Variants in DSCAM observed in about 807,000 individuals in gnomAD.
DSCAM encodes cell adhesion molecule DSCAM.
DSCAM carries 47 observed loss-of-function variants against 217.7 expected under a neutral mutation model. That is an observed-to-expected ratio of 0.22 (90% CI 0.17 to 0.28). The LOEUF (loss-of-function observed/expected upper bound fraction) is 0.28. Ranked by LOEUF, DSCAM falls within the 10% of genes least tolerant of loss-of-function variation. DSCAM has a pLI of 1.00. For synonymous variants in DSCAM, 1,056 were observed against 1,015.3 expected, an observed-to-expected ratio of 1.04 and a Z score of -0.76; for missense variants, 2,080 against 2,618.3, an observed-to-expected ratio of 0.79 and a Z score of 4.49.
chr21:40,745,091 T>C (rs997429683), intron 1 of DSCAM, among the ~76,000 whole-genome samples: 4 of 151,884 alleles, frequency 2.6e-5, no homozygotes, highest in Admixed American at 6.6e-5. Context: ...AGACAGAACA[T>C]ATAAAATTAC....
intron 3 of DSCAM, among the ~76,000 whole-genome samples, chr21:40,486,237 ACCCGGCATGGTTT>A (rs2076027197): frequency 6.6e-6 from 1 of 152,128 alleles, no homozygotes; most frequent in Non-Finnish European, 1.5e-5. Context: ...TGGGATAATC[ACCCGGCATGGTTT>A]ATCCTGGGCC....
At chr21:40,535,639 T>C (rs1047676853) in intron 3 of DSCAM, among the ~76,000 whole-genome samples, 2 of 152,222 alleles carry the variant, frequency 1.3e-5, no homozygotes, top group African/African-American at 4.8e-5. Context: ...GCAAGCACTG[T>C]GCTACGTGCA....
At chr21:40,512,227 T>G (rs1465523508) in intron 3 of DSCAM, among the ~76,000 whole-genome samples, 2 of 152,092 alleles carry the variant, frequency 1.3e-5, no homozygotes, top group African/African-American at 4.8e-5. Flanking sequence ...TTATCCTGAG[T>G]GAACCTTGTT....
intron 1 of DSCAM, among the ~76,000 whole-genome samples, chr21:40,823,785 T>C (rs2091947667): frequency 6.6e-6 from 1 of 152,174 alleles, no homozygotes; most frequent in Non-Finnish European, 1.5e-5. Flanking sequence ...GATTAGCCCT[T>C]CAGGATGTGC....
At chr21:40,550,633 C>T (rs777780110) in intron 3 of DSCAM, among the ~76,000 whole-genome samples, 19 of 152,182 alleles carry the variant, frequency 1.2e-4, no homozygotes, top group Non-Finnish European at 2.4e-4. Context: ...CGAACAAACA[C>T]ATTACGTCTT....
chr21:40,326,156 A>G (rs1569064790), intron 8 of DSCAM, among the ~76,000 whole-genome samples: 1 of 152,166 alleles, frequency 6.6e-6, no homozygotes. Flanking sequence ...AAAAGGGGGG[A>G]CAAGTTAAAA....
At chr21:40,544,488 G>A (rs2076566006) in intron 3 of DSCAM, among the ~76,000 whole-genome samples, 1 of 152,162 alleles carries the variant, frequency 6.6e-6, no homozygotes, top group South Asian at 2.1e-4. Flanking sequence ...GTAAGAAGAG[G>A]AGAGGCCACA....
rs1273513777 is a variant in DSCAM, at chr21:40,628,570, A to C, written c.508+64240T>G. Among the ~76,000 whole-genome samples the C allele has an allele frequency of 2.6e-5, 4 of 152,150 alleles. No individual in the cohort carries two copies. The East Asian group carries it at 7.7e-4, about 29-fold the overall frequency. On this transcript the variant is annotated intron_variant, in intron 3 of 32. Coordinates refer to ENST00000400454, the MANE Select transcript of DSCAM (RefSeq NM_001389.5). ...GCAGTGGCAGAGTTATGTAGTAATA[A>C]CCTAGATCTCATGGCCCACAAAACC...
At chr21:40,770,558 G>T (rs2123384719) in intron 1 of DSCAM, among the ~76,000 whole-genome samples, 1 of 152,316 alleles carries the variant, frequency 6.6e-6, no homozygotes, top group African/African-American at 2.4e-5. Flanking sequence ...GCCAAGTCAG[G>T]GCTCACAGCC....
chr21:40,652,340 AC>A (rs1340995574), intron 3 of DSCAM, among the ~76,000 whole-genome samples: 3 of 34,246 alleles, frequency 8.8e-5, no homozygotes, highest in African/African-American at 1.7e-4. Context: ...GAAAACAACA[AC>A]AACAACAAAA....
intron 3 of DSCAM, among the ~76,000 whole-genome samples, chr21:40,625,037 C>A (rs1052332395): frequency 6.6e-6 from 1 of 151,810 alleles, no homozygotes; most frequent in East Asian, 1.9e-4. Flanking sequence ...ATAAAAAAGG[C>A]AAATAGTATA....
At chr21:40,367,963 T>G (rs2074851745) in intron 4 of DSCAM, among the ~76,000 whole-genome samples, 1 of 152,218 alleles carries the variant, frequency 6.6e-6, no homozygotes, top group African/African-American at 2.4e-5. Flanking sequence ...ATCGTGGGAT[T>G]AAGGAAAGTA....
At chr21:40,309,875 T>G (rs2074119010) in intron 9 of DSCAM, among the ~76,000 whole-genome samples, 1 of 152,174 alleles carries the variant, frequency 6.6e-6, no homozygotes, top group Non-Finnish European at 1.5e-5. Flanking sequence ...AGTCCATTCT[T>G]CAGACAGCTA....
At chr21:40,156,907 G>A (rs1312979751) in intron 16 of DSCAM, among the ~76,000 whole-genome samples, 3 of 152,040 alleles carry the variant, frequency 2.0e-5, no homozygotes, top group Non-Finnish European at 4.4e-5. Context: ...CATATATGGC[G>A]GGAGGGGCTA....
intron 3 of DSCAM, among the ~76,000 whole-genome samples, chr21:40,574,071 T>G (rs2076829864): frequency 6.7e-6 from 1 of 148,170 alleles, no homozygotes; most frequent in Non-Finnish European, 1.5e-5. Flanking sequence ...TAATACCAAT[T>G]ACCAATCCTT....
chr21:40,430,993 C>A (rs2075525679), intron 3 of DSCAM, among the ~76,000 whole-genome samples: 1 of 152,216 alleles, frequency 6.6e-6, no homozygotes, highest in Admixed American at 6.5e-5. Context: ...ACTGCAAAAT[C>A]TTACAAATGA....
chr21:40,532,100 C>G lies in DSCAM; in HGVS notation c.508+160710G>C, dbSNP rs200535869. Among the ~76,000 whole-genome samples the G allele has an allele frequency of 5.9e-5, 9 of 152,288 alleles. No homozygotes were observed. The East Asian group carries it at 1.5e-3, about 26-fold the overall frequency. On this transcript the variant is annotated intron_variant, in intron 3 of 32. Coordinates refer to ENST00000400454, the MANE Select transcript of DSCAM (RefSeq NM_001389.5). Reference sequence around the variant, plus strand: ...CTTTGATACACTCTTCTTTTATGCTCTCACGGCTGCTTAAAAGGTCATACA... The same window carrying G: ...CTTTGATACACTCTTCTTTTATGCTGTCACGGCTGCTTAAAAGGTCATACA...
chr21:40,155,628 G>A (rs1345152619), intron 16 of DSCAM, among the ~76,000 whole-genome samples: 1 of 152,250 alleles, frequency 6.6e-6, no homozygotes, highest in East Asian at 2.0e-4. Context: ...AAAAATGCTC[G>A]GAAGTAGTTT....
At chr21:40,514,649 A>AT (rs535523340) in intron 3 of DSCAM, among the ~76,000 whole-genome samples, 42 of 152,226 alleles carry the variant, frequency 2.8e-4, no homozygotes, top group African/African-American at 8.2e-4. Flanking sequence ...TTTATGAAAG[A>AT]TTTTTTTTCT....
Sources: allele counts gnomAD v4.1 joint callset (sites outside exome capture counted in the v4.1 genomes callset), GRCh38; gene constraint gnomAD v4.1.1; transcripts MANE v1.5; gene names NCBI Gene and HGNC (gene_info 2026-07-23, HGNC 2026-07-21).